ATP10B: variants seen among roughly 807,000 people sequenced by gnomAD.
The protein encoded by ATP10B is phospholipid-transporting ATPase VB.
In ATP10B, 122 loss-of-function variants were observed where a neutral mutation model predicts 141.2. That is an observed-to-expected ratio of 0.86 (90% CI 0.75 to 1.00). ATP10B has a LOEUF of 1.00. ATP10B is among the 50% of genes least tolerant of loss of function. The probability of loss-of-function intolerance (pLI) is 0.00; values close to 1 mark genes in which losing one functional copy is unlikely to be tolerated. For missense variants in ATP10B, 1,876 were observed against 1,825.3 expected, an observed-to-expected ratio of 1.03 and a Z score of -0.51; for synonymous variants, 685 against 692.0, an observed-to-expected ratio of 0.99 and a Z score of 0.16.
At chr5:160,616,100 G>T (rs201275056) in intron 16 of ATP10B, 136 bp from the exon 17 acceptor site, 35 of 785,838 alleles carry the variant, frequency 4.5e-5, no homozygotes, top group Admixed American at 1.3e-4. Context: ...TCTTCTCAAA[G>T]ACTTTTTTTT....
intron 24 of ATP10B, among the ~76,000 whole-genome samples, chr5:160,570,480 GTACTGCAGTCTAAACAAGCAAACT>G (rs1754806654): frequency 6.6e-6 from 1 of 152,086 alleles, no homozygotes; most frequent in Admixed American, 6.6e-5. Flanking sequence ...ACAAGCAAAT[GTACTGCAGTCTAAACAAGCAAACT>G]TACTGCAGTC....
chr5:160,818,202 G>A (rs1358622517), intron 1 of ATP10B, among the ~76,000 whole-genome samples: 1 of 152,146 alleles, frequency 6.6e-6, no homozygotes, highest in African/African-American at 2.4e-5. Context: ...TACCATCAGT[G>A]TAAACAGGCA....
intron 18 of ATP10B, among the ~76,000 whole-genome samples, chr5:160,607,937 T>C (rs1227195642): frequency 1.3e-5 from 2 of 152,236 alleles, no homozygotes; most frequent in Non-Finnish European, 2.9e-5. Context: ...AATTCATTTA[T>C]TTTTATTATA....
At chr5:160,899,004 T>A in the ATP10B span, among the ~76,000 whole-genome samples, 2 of 89,922 alleles carry the variant, frequency 2.2e-5, no homozygotes, top group Non-Finnish European at 4.4e-5. Flanking sequence ...GGGGTGGGGG[T>A]GGTAGGGGAG....
chr5:160,810,401 C>CTT (rs11385357), intron 1 of ATP10B, among the ~76,000 whole-genome samples: 1 of 151,854 alleles, frequency 6.6e-6, no homozygotes, highest in East Asian at 1.9e-4. Flanking sequence ...AAAAAGTTAT[C>CTT]TTTTTATCAT....
chr5:160,906,995 C>A, the ATP10B span, among the ~76,000 whole-genome samples: 1 of 151,996 alleles, frequency 6.6e-6, no homozygotes, highest in South Asian at 2.1e-4. Context: ...TTATTTGTGG[C>A]CACTCAGGCT....
chr5:160,858,648 TTTTTCTTG>T, the ATP10B span, among the ~76,000 whole-genome samples: 1 of 151,986 alleles, frequency 6.6e-6, no homozygotes, highest in African/African-American at 2.4e-5. Context: ...CCATTTTGTC[TTTTTCTTG>T]TTTTCTTTTT....
intron 7 of ATP10B, among the ~76,000 whole-genome samples, chr5:160,668,096 G>A (rs1377051618): frequency 6.6e-6 from 1 of 152,014 alleles, no homozygotes; most frequent in Non-Finnish European, 1.5e-5. Context: ...GCTGGGTGTG[G>A]TAGTGCACGC....
At chr5:160,792,822 C>T (rs75933783) in intron 1 of ATP10B, among the ~76,000 whole-genome samples, 1,847 of 152,244 alleles carry the variant, frequency 0.012, 40 homozygotes, top group African/African-American at 0.039. Context: ...GCCTGTGGGT[C>T]GAAGTCTGGC....
chr5:160,716,715 G>A (rs980739954), intron 3 of ATP10B, among the ~76,000 whole-genome samples, 194 bp downstream of exon 3: 15 of 152,188 alleles, frequency 9.9e-5, no homozygotes, highest in African/African-American at 3.1e-4. Flanking sequence ...CAAATCTAGA[G>A]GTAGGTAGTC....
chr5:160,570,954 T>C (rs1026616080), intron 24 of ATP10B, among the ~76,000 whole-genome samples: 3 of 152,260 alleles, frequency 2.0e-5, no homozygotes, highest in African/African-American at 7.2e-5. Flanking sequence ...AATCTCCACT[T>C]GTTCTTCCTT....
At chr5:160,812,491 A>G (rs570382648) in intron 1 of ATP10B, among the ~76,000 whole-genome samples, 39 of 152,352 alleles carry the variant, frequency 2.6e-4, no homozygotes, top group African/African-American at 9.1e-4. Flanking sequence ...GGAAACTCCA[A>G]GAAATCAGGA....
chr5:160,595,561 G>T (rs1304107301), intron 22 of ATP10B, among the ~76,000 whole-genome samples: 11 of 152,140 alleles, frequency 7.2e-5, no homozygotes, highest in Admixed American at 3.3e-4. Flanking sequence ...CTGAAGGAAA[G>T]AGAGACACAA....
At chr5:160,890,558 G>GCTT in the ATP10B span, among the ~76,000 whole-genome samples, 70,562 of 151,808 alleles carry the variant, frequency 0.46, 17,400 homozygotes, top group Non-Finnish European at 0.54. Flanking sequence ...TTTGTGTCTG[G>GCTT]CTTTCACTTA....
the ATP10B span, among the ~76,000 whole-genome samples, chr5:160,917,615 C>T: frequency 1.3e-5 from 2 of 152,134 alleles, no homozygotes; most frequent in Non-Finnish European, 2.9e-5. Flanking sequence ...ATCCTCAAGT[C>T]AAATCACACC....
intron 2 of ATP10B, among the ~76,000 whole-genome samples, chr5:160,767,003 C>T (rs891576631): frequency 6.6e-6 from 1 of 151,640 alleles, no homozygotes; most frequent in African/African-American, 2.4e-5. Context: ...CTCCCAGGAT[C>T]ATCTAGGTCA....
chr5:160,825,769 A>G (rs1180669760), intron 1 of ATP10B, among the ~76,000 whole-genome samples: 5 of 152,102 alleles, frequency 3.3e-5, no homozygotes, highest in Non-Finnish European at 5.9e-5. Flanking sequence ...ATAGTACCCA[A>G]TAGGTTGTTT....
At chr5:160,902,130 C>T in the ATP10B span, among the ~76,000 whole-genome samples, 3 of 152,150 alleles carry the variant, frequency 2.0e-5, no homozygotes, top group African/African-American at 7.2e-5. Context: ...AAAATAAGCA[C>T]ATTACTATTT....
At chr5:160,874,361 A>G in the ATP10B span, among the ~76,000 whole-genome samples, 2 of 152,292 alleles carry the variant, frequency 1.3e-5, no homozygotes, top group South Asian at 4.1e-4. Flanking sequence ...CAGAAAGGAC[A>G]TCCACACCAA....
Sources: gnomAD v4.1 joint callset for allele counts (sites outside exome capture counted in the v4.1 genomes callset) on GRCh38, gnomAD v4.1.1 for gene constraint, MANE v1.5 for transcripts, NCBI Gene and HGNC (gene_info 2026-07-23, HGNC 2026-07-21) for gene names.